The following ACSBG1 variants were observed in gnomAD, a reference collection of about 807,000 sequenced individuals.
ACSBG1 encodes the protein long-chain-fatty-acid--CoA ligase ACSBG1.
Under a neutral mutation model 80.2 loss-of-function variants are expected in ACSBG1, and 39 were observed. The observed-to-expected ratio is 0.49, with a 90% CI of 0.38 to 0.64. The LOEUF (loss-of-function observed/expected upper bound fraction) is 0.64. ACSBG1 is among the 30% of genes least tolerant of loss of function. The pLI is 0.00. For synonymous variants in ACSBG1, 392 were observed against 379.5 expected, an observed-to-expected ratio of 1.03 and a Z score of -0.38; for missense variants, 828 against 966.4, an observed-to-expected ratio of 0.86 and a Z score of 1.90.
At chr15:78,174,628 G>T in intron 11 of ACSBG1, 104 bp from the exon 12 acceptor site, 1 of 1,368,938 alleles carries the variant, frequency 7.3e-7, no homozygotes, top group Non-Finnish European at 9.8e-7. Flanking sequence ...AGCACAGCTG[G>T]AGATGCCCCC....
chr15:78,221,550 C>G (rs530449979), intron 1 of ACSBG1, among the ~76,000 whole-genome samples: 1 of 152,118 alleles, frequency 6.6e-6, no homozygotes, highest in Non-Finnish European at 1.5e-5. Context: ...CAGGGACATA[C>G]GGGAAACAGA....
Position 78,234,508 on chromosome 15 carries a change from C to T in ACSBG1, c.-7G>A, listed in dbSNP as rs182624778. On this transcript the variant is annotated 5_prime_UTR_variant, in exon 1 of 14. Transcript: ENST00000258873. The stretch of plus-strand genomic sequence containing the variant: ...CTCCAGAATTGCGTGGCATCTGCCT[C>T]GGGCTTCCACTGAAGACAGCTCAGT... 1.1e-4 allele frequency: 157 copies of T among 1,476,410 alleles called. No individual in the cohort carries two copies. Among genetic ancestry groups the T allele is most frequent in the African/African-American group, 3.1e-4 (22 of 70,478 alleles). 91.5% of individuals were successfully genotyped at this position (1,476,410 alleles called of 1,614,324 possible).
At chr15:78,210,491 C>CTTGTTT (rs2075257762) in intron 1 of ACSBG1, among the ~76,000 whole-genome samples, 4 of 152,340 alleles carry the variant, frequency 2.6e-5, no homozygotes, top group Admixed American at 2.6e-4. Context: ...GCTTTCCTGA[C>CTTGTTT]CTGACTTGTC....
At chr15:78,173,452 C>T in intron 13 of ACSBG1, 141 bp downstream of exon 13, 1 of 1,104,962 alleles carries the variant, frequency 9.1e-7, no homozygotes, top group South Asian at 1.6e-5. Context: ...TGTCCTCTAA[C>T]AGGAAGTAGA....
intron 5 of ACSBG1, among the ~76,000 whole-genome samples, chr15:78,185,374 A>T (rs1263767895): frequency 6.6e-6 from 1 of 152,220 alleles, no homozygotes; most frequent in Non-Finnish European, 1.5e-5. Context: ...CCCATCAGGC[A>T]TTAAGCAGAG....
In ACSBG1 at chr15:78,182,580, A is replaced by G. The variant is rs1342565664; in HGVS notation, c.780T>C (p.Pro260=). Residue 260 remains proline, a synonymous_variant, in exon 7 of 14, where the codon CCT becomes CCC. Transcript: ENST00000258873. ...CAATGATGGCGTCCAGGGCTTCCTCAGGCACTTCATTCCCCAGCTCCATGA... is the reference window on the plus strand; with the variant it reads ...CAATGATGGCGTCCAGGGCTTCCTCGGGCACTTCATTCCCCAGCTCCATGA... ...EEFMELGNEV[P]EEALDAIIDT... The G allele has an allele frequency of 6.2e-7, 1 of 1,613,966 alleles. No homozygotes were observed. The highest frequency in any genetic ancestry group is 1.3e-5 in the African/African-American group (1 of 74,904).
Position 78,173,653 on chromosome 15 carries a change from A to C in ACSBG1, c.2029T>G (p.Tyr677Asp), listed in dbSNP as rs953906085. The C allele has an allele frequency of 6.2e-7, 1 of 1,614,206 alleles. No individual in the cohort carries two copies. The change falls in exon 13 of 14, where the codon TAC becomes GAC. Residue 677 changes from tyrosine (Y) to aspartate (D), a missense_variant. Around this residue, in one of 3 missense-constraint regions of ACSBG1, gnomAD observed 201 missense variants for 227.0 expected, o/e 0.89. Coordinates refer to ENST00000258873, the MANE Select transcript of ACSBG1 (RefSeq NM_015162.5). ...AGAATGGCCCACTTCTGGATGTGGT[A>C]GGGCCGGGCCGCCGCGTTCATGTTG... ...RVNMNAAARP[Y>D]HIQKWAILER...
At position 78,193,838 on chromosome 15, in the gene ACSBG1, T is replaced by A. The variant is rs1195096344; in HGVS notation, c.542+94A>T. 10 of 1,487,738 alleles carry A rather than the reference T, an allele frequency of 6.7e-6. No homozygotes were observed. In the East Asian group the frequency reaches 2.5e-4, roughly 37 times the overall value. 92.2% of individuals were successfully genotyped at this position (1,487,738 alleles called of 1,614,324 possible). ...AGGGAGGAGGCAGGATGGTGGGGAG[T>A]GGGTGGGGGCTGCTAAAAAGAGATA... On this transcript the variant is annotated intron_variant, in intron 4 of 13. Coordinates refer to ENST00000258873, the MANE Select transcript of ACSBG1 (RefSeq NM_015162.5).
intron 1 of ACSBG1, among the ~76,000 whole-genome samples, chr15:78,222,174 TAA>T (rs1312701756): frequency 6.6e-6 from 1 of 152,166 alleles, no homozygotes; most frequent in African/African-American, 2.4e-5. Flanking sequence ...AACATTATGT[TAA>T]GAGAAAGAAG....
chr15:78,217,728 G>A (rs138608723), intron 1 of ACSBG1, among the ~76,000 whole-genome samples: 5 of 152,122 alleles, frequency 3.3e-5, no homozygotes, highest in African/African-American at 4.8e-5. Flanking sequence ...CACCACACCC[G>A]GCTAATTTTT....
intron 1 of ACSBG1, among the ~76,000 whole-genome samples, chr15:78,216,986 T>C (rs1009220280): frequency 1.3e-5 from 2 of 152,248 alleles, no homozygotes; most frequent in African/African-American, 4.8e-5. Flanking sequence ...TTTTGTGACC[T>C]TGGGCAAGTC....
chr15:78,218,033 C>T (rs1480087282), intron 1 of ACSBG1, among the ~76,000 whole-genome samples: 1 of 152,136 alleles, frequency 6.6e-6, no homozygotes, highest in Non-Finnish European at 1.5e-5. Context: ...AAAGCAAAGG[C>T]TACTAGAAAA....
At chr15:78,218,794 C>T (rs561144549) in intron 1 of ACSBG1, among the ~76,000 whole-genome samples, 1 of 38,108 alleles carries the variant, frequency 2.6e-5, no homozygotes, top group Non-Finnish European at 6.7e-5. Flanking sequence ...TTTTTTGAGA[C>T]GGAGTATCGC....
chr15:78,182,442 C>CA (rs2074956451), intron 7 of ACSBG1, 24 bp downstream of exon 7: 1 of 1,609,168 alleles, frequency 6.2e-7, no homozygotes, highest in East Asian at 2.2e-5. Context: ...GCACCCCCCC[C>CA]ACCCCACCGG....
rs1035946394 is a variant in ACSBG1, at chr15:78,181,931, C to T, written c.1071+38G>A. On this transcript the variant is annotated intron_variant, in intron 8 of 13. Coordinates refer to ENST00000258873, the MANE Select transcript of ACSBG1 (RefSeq NM_015162.5). ...AGACACATGTGGACGTGGCCTGGCA[C>T]ACGGGCTCAGACGGACACACGGTAA... 3 of 1,597,594 alleles carry T rather than the reference C, an allele frequency of 1.9e-6. No individual in the cohort carries two copies. In the African/African-American group the frequency reaches 4.0e-5, roughly 21 times the overall value.
intron 5 of ACSBG1, among the ~76,000 whole-genome samples, chr15:78,187,634 A>C (rs1431903767): frequency 8.5e-4 from 129 of 151,928 alleles, no homozygotes; most frequent in African/African-American, 2.7e-3. Flanking sequence ...ACCCTTCATG[A>C]TAAAAACTCT....
chr15:78,193,789 G>A (rs1193939397), intron 4 of ACSBG1, 143 bp downstream of exon 4: 28 of 1,411,238 alleles, frequency 2.0e-5, no homozygotes, highest in East Asian at 2.5e-5. Flanking sequence ...GAGGGCGCCA[G>A]ATGCAGGTCC....
chr15:78,209,074 G>A (rs2075244553), intron 1 of ACSBG1: 1 of 368,902 alleles, frequency 2.7e-6, no homozygotes, highest in Admixed American at 3.3e-5. Flanking sequence ...TGGCTCCAGG[G>A]AGCCCTGTCT....
chr15:78,191,581 T>C (rs1469729343), intron 5 of ACSBG1, among the ~76,000 whole-genome samples: 1 of 152,256 alleles, frequency 6.6e-6, no homozygotes, highest in Non-Finnish European at 1.5e-5. Flanking sequence ...AGTTCTTTCT[T>C]TGGAGAATTC....
Sources: allele counts gnomAD v4.1 joint callset (sites outside exome capture counted in the v4.1 genomes callset), GRCh38; gene constraint gnomAD v4.1.1; regional missense constraint gnomAD v4.1.1; transcripts MANE v1.5; gene names NCBI Gene and HGNC (gene_info 2026-07-23, HGNC 2026-07-21).